TMEM272: variants seen among roughly 807,000 people sequenced by gnomAD.
TMEM272 encodes transmembrane protein 272.
Under a neutral mutation model 3.7 loss-of-function variants are expected in TMEM272, and 8 were observed. That is an observed-to-expected ratio of 2.17 (90% CI 1.27 to 3.91). TMEM272 has a LOEUF of 3.91. Ranked by LOEUF, TMEM272 falls within the 30% of genes most tolerant of loss-of-function variation. The pLI is 0.00. For missense variants in TMEM272, 166 were observed against 91.5 expected (o/e 1.81, Z -3.32); for synonymous variants, 63 against 39.8 (o/e 1.58, Z -2.20).
the TMEM272 span, among the ~76,000 whole-genome samples, chr13:51,911,270 C>G: frequency 6.6e-6 from 1 of 152,204 alleles, no homozygotes; most frequent in African/African-American, 2.4e-5. Context: ...CCAGATGAGG[C>G]AGATTATGCT....
chr13:51,864,124 TTTTC>T, the TMEM272 span, among the ~76,000 whole-genome samples: 10 of 150,618 alleles, frequency 6.6e-5, no homozygotes, highest in Non-Finnish European at 1.2e-4. Flanking sequence ...TCTCTTTTTC[TTTTC>T]TTTTTTTCTT....
At chr13:51,842,403 A>G (rs1348327539) in intron 1 of TMEM272, among the ~76,000 whole-genome samples, 5 of 152,262 alleles carry the variant, frequency 3.3e-5, no homozygotes, top group Non-Finnish European at 7.3e-5. Context: ...TTTAAAAAGT[A>G]GCATGTAGGA....
the TMEM272 span, among the ~76,000 whole-genome samples, chr13:51,896,253 G>A: frequency 2.0e-5 from 3 of 152,186 alleles, no homozygotes; most frequent in African/African-American, 4.8e-5. Context: ...CTGTGCCATC[G>A]GGGACAGCTT....
chr13:51,868,704 T>C, the TMEM272 span, among the ~76,000 whole-genome samples: 1,960 of 152,246 alleles, frequency 0.013, 42 homozygotes, highest in African/African-American at 0.044. Flanking sequence ...ATCTATGGAG[T>C]GGCTCAGTCT....
intron 2 of TMEM272, among the ~76,000 whole-genome samples, chr13:51,829,762 T>C (rs1364762071): frequency 6.6e-6 from 1 of 152,186 alleles, no homozygotes; most frequent in African/African-American, 2.4e-5. Context: ...AGGAGGCACC[T>C]GCCACCCAAG....
chr13:51,853,357 C>T, the TMEM272 span, among the ~76,000 whole-genome samples: 1 of 152,116 alleles, frequency 6.6e-6, no homozygotes, highest in East Asian at 1.9e-4. Flanking sequence ...TTGCAGTGAG[C>T]TGAGATCATG....
chr13:51,870,407 AAAAAC>A, the TMEM272 span, among the ~76,000 whole-genome samples: 27 of 152,372 alleles, frequency 1.8e-4, no homozygotes, highest in East Asian at 5.0e-3. Context: ...GGAAAAAAGA[AAAAAC>A]AAAGAATAAT....
the TMEM272 span, among the ~76,000 whole-genome samples, chr13:51,870,028 C>T: frequency 5.9e-5 from 9 of 152,298 alleles, no homozygotes; most frequent in Admixed American, 3.3e-4. Context: ...TCTCTGGATT[C>T]GACAGCTGTT....
chr13:51,831,318 G>C (rs540120350), intron 2 of TMEM272, among the ~76,000 whole-genome samples: 3 of 152,234 alleles, frequency 2.0e-5, no homozygotes, highest in Admixed American at 6.5e-5. Flanking sequence ...TACTGGGGAG[G>C]CTGGCTGAGA....
At chr13:51,888,024 T>C in the TMEM272 span, among the ~76,000 whole-genome samples, 1 of 150,278 alleles carries the variant, frequency 6.7e-6, no homozygotes, top group Non-Finnish European at 1.5e-5. Flanking sequence ...ATTATACATA[T>C]TGTAATTTCA....
chr13:51,886,901 T>C, the TMEM272 span, among the ~76,000 whole-genome samples: 7 of 152,324 alleles, frequency 4.6e-5, 1 homozygote, highest in Middle Eastern at 3.4e-3. Context: ...ACTAAAATAG[T>C]TAACTTCTGA....
At chr13:51,873,216 C>T in the TMEM272 span, among the ~76,000 whole-genome samples, 1 of 152,176 alleles carries the variant, frequency 6.6e-6, no homozygotes, top group Non-Finnish European at 1.5e-5. Context: ...GAAAACTCAG[C>T]AACTGAGAGA....
chr13:51,864,202 T>C, the TMEM272 span, among the ~76,000 whole-genome samples: 1 of 151,876 alleles, frequency 6.6e-6, no homozygotes, highest in African/African-American at 2.4e-5. Context: ...CTGGGGTACA[T>C]AAAATATCCA....
intron 3 of TMEM272, among the ~76,000 whole-genome samples, chr13:51,823,161 C>T (rs532689908): frequency 2.0e-5 from 3 of 152,358 alleles, no homozygotes; most frequent in Admixed American, 2.0e-4. Flanking sequence ...TCACTGCAGC[C>T]TCAACCTCCC....
chr13:51,820,680 CT>C (rs1392744790), intron 4 of TMEM272, among the ~76,000 whole-genome samples: 5 of 152,324 alleles, frequency 3.3e-5, no homozygotes, highest in Admixed American at 1.3e-4. Context: ...GAGGTAATTA[CT>C]GCTGAAAACG....
the TMEM272 span, among the ~76,000 whole-genome samples, chr13:51,851,428 G>A: frequency 1.5e-5 from 2 of 134,440 alleles, no homozygotes; most frequent in Admixed American, 7.9e-5. Flanking sequence ...AGAAGAAGAA[G>A]AAGACGCCCT....
At chr13:51,846,368 A>C (rs1012979321), upstream of TMEM272, among the ~76,000 whole-genome samples, 2 of 152,226 alleles carry the variant, frequency 1.3e-5, no homozygotes, top group African/African-American at 4.8e-5. Flanking sequence ...AGCAGTCATA[A>C]TGTTGTAGTG....
the TMEM272 span, among the ~76,000 whole-genome samples, chr13:51,918,579 A>G: frequency 6.6e-6 from 1 of 152,210 alleles, no homozygotes; most frequent in Admixed American, 6.5e-5. Context: ...GTATTTCTAC[A>G]TACAAAGCAA....
chr13:51,868,278 T>G, the TMEM272 span, among the ~76,000 whole-genome samples: 2 of 152,338 alleles, frequency 1.3e-5, no homozygotes, highest in East Asian at 3.9e-4. Flanking sequence ...ATGTCATTAT[T>G]TGGAAAATCT....
Sources: gnomAD v4.1 joint callset for allele counts (sites outside exome capture counted in the v4.1 genomes callset) on GRCh38, gnomAD v4.1.1 for gene constraint, MANE v1.5 for transcripts, NCBI Gene and HGNC (gene_info 2026-07-23, HGNC 2026-07-21) for gene names.